Variants in COL4A6 observed in about 807,000 individuals in gnomAD.
COL4A6 encodes collagen alpha-6(IV) chain.
Under a neutral mutation model 126.7 loss-of-function variants are expected in COL4A6, and 59 were observed. The ratio of observed to expected loss-of-function variants is 0.47; its 90% CI spans 0.38 to 0.58. The LOEUF is 0.58. COL4A6 is among the 20% of genes least tolerant of loss of function. The probability of loss-of-function intolerance (pLI) is 0.00; values close to 1 mark genes in which losing one functional copy is unlikely to be tolerated. For missense variants in COL4A6, 1,285 were observed against 1,337.3 expected (o/e 0.96, Z 0.61); for synonymous variants, 547 against 496.6 (o/e 1.10, Z -1.35).
intron 3 of COL4A6, among the ~76,000 whole-genome samples, chrX:108,251,151 T>A (rs960919555): frequency 5.4e-5 from 6 of 111,147 alleles, no homozygotes; most frequent in African/African-American, 2.0e-4. Flanking sequence ...GAAACTTGAG[T>A]CTGAACTTTG....
At chrX:108,333,175 C>G (rs1022920932) in intron 2 of COL4A6, among the ~76,000 whole-genome samples, 3 of 110,985 alleles carry the variant, frequency 2.7e-5, no homozygotes, top group African/African-American at 9.8e-5. Context: ...CTATTCTATT[C>G]CACTAATCTA....
chrX:108,412,803 C>T (rs1307828242), intron 2 of COL4A6, among the ~76,000 whole-genome samples: 1 of 112,053 alleles, frequency 8.9e-6, no homozygotes, highest in African/African-American at 3.2e-5. Flanking sequence ...TTCCCTGACC[C>T]AGGTGAAAAC....
rs182294578 is a variant in COL4A6, at chrX:108,328,876, C to T, written c.64-18048G>A. Among the ~76,000 whole-genome samples, 233 of 111,902 alleles carry T rather than the reference C, an allele frequency of 2.1e-3. 1 individual carries two copies. Among genetic ancestry groups the T allele is most frequent in the South Asian group, 0.013 (34 of 2,643 alleles). ...TGGTACATATGTACATGGAGAAATG[C>T]TACTCAGCCATAAAAAGAACAAAAT... On this transcript the variant is annotated intron_variant, in intron 2 of 44. Transcript: ENST00000334504.
intron 3 of COL4A6, among the ~76,000 whole-genome samples, chrX:108,289,640 T>C (rs1307913206): frequency 8.9e-6 from 1 of 111,745 alleles, no homozygotes; most frequent in Non-Finnish European, 1.9e-5. Flanking sequence ...AGACATAGAC[T>C]TGCAGGCAGC....
chrX:108,220,701 G>A (rs1417099300), intron 4 of COL4A6, among the ~76,000 whole-genome samples: 1 of 112,572 alleles, frequency 8.9e-6, no homozygotes, highest in Admixed American at 9.4e-5. Context: ...TTACCACAGT[G>A]AGCCCACTTG....
At chrX:108,395,708 G>A (rs73529128) in intron 2 of COL4A6, among the ~76,000 whole-genome samples, 6,946 of 111,448 alleles carry the variant, frequency 0.062, 511 homozygotes, top group African/African-American at 0.2. Context: ...TACTATGATT[G>A]TCCCTGTGGA....
chrX:108,198,934 C>A (rs2035305487), intron 13 of COL4A6, among the ~76,000 whole-genome samples: 1 of 111,260 alleles, frequency 9.0e-6, no homozygotes, highest in Non-Finnish European at 1.9e-5. Context: ...GTTTGCTAGT[C>A]CCTTGAACAG....
intron 2 of COL4A6, among the ~76,000 whole-genome samples, chrX:108,326,934 A>T (rs1179607541): frequency 8.9e-6 from 1 of 112,261 alleles, no homozygotes; most frequent in Non-Finnish European, 1.9e-5. Context: ...AAAGAAAAAA[A>T]TGAAGAAATT....
chrX:108,343,202 GTGTA>G, intron 2 of COL4A6, among the ~76,000 whole-genome samples: 2 of 97,918 alleles, frequency 2.0e-5, no homozygotes, highest in Non-Finnish European at 4.1e-5. Flanking sequence ...GTGTGTGTGT[GTGTA>G]TGTACAAAGG....
At chrX:108,381,348 A>T (rs933511369) in intron 2 of COL4A6, among the ~76,000 whole-genome samples, 2 of 112,224 alleles carry the variant, frequency 1.8e-5, no homozygotes, top group African/African-American at 3.2e-5. Flanking sequence ...ATGGGAAAGC[A>T]GACCCAGTAT....
chrX:108,248,221 A>AGTATACAGTATATGAATATACT (rs1286266463), intron 3 of COL4A6, among the ~76,000 whole-genome samples: 3 of 111,826 alleles, frequency 2.7e-5, no homozygotes, highest in Non-Finnish European at 5.7e-5. Flanking sequence ...TATTAGTATA[A>AGTATACAGTATATGAATATACT]GTATACAGTA....
chrX:108,362,080 TGAGAGAGAGAAAGA>T (rs1252159000), intron 2 of COL4A6, among the ~76,000 whole-genome samples: 1 of 105,954 alleles, frequency 9.4e-6, no homozygotes, highest in Non-Finnish European at 1.9e-5. Context: ...TGTGTGTGTG[TGAGAGAGAGAAAGA>T]GAGAGAGAGA....
intron 3 of COL4A6, among the ~76,000 whole-genome samples, chrX:108,246,355 AT>A (rs2036717287): frequency 8.9e-6 from 1 of 112,037 alleles, no homozygotes; most frequent in Admixed American, 9.4e-5. Flanking sequence ...CCAAAAATGG[AT>A]TTACTGGAAA....
chrX:108,349,623 C>A (rs2039794534), intron 2 of COL4A6, among the ~76,000 whole-genome samples: 1 of 111,505 alleles, frequency 9.0e-6, no homozygotes, highest in South Asian at 3.8e-4. Context: ...GTAGCAGGCA[C>A]CAATAAATGC....
chrX:108,193,670 C>G lies in COL4A6; in HGVS notation c.1030G>C (p.Gly344Arg). 8.3e-7 allele frequency: 1 copy of G among 1,209,593 alleles called. No homozygotes were observed. The highest frequency in any genetic ancestry group is 1.1e-6 in the Non-Finnish European group (1 of 893,649). ...EGQKGDIGLP[G>R]PDVFIDIDGA... Reference sequence around the variant, plus strand: ...TCTATATCGATGAAAACATCTGGGCCTGGCAGGCCAATGTCACCCTTTTGA... The same window carrying G: ...TCTATATCGATGAAAACATCTGGGCGTGGCAGGCCAATGTCACCCTTTTGA... The change falls in exon 17 of 45, where the codon GGC becomes CGC. Residue 344 changes from glycine to arginine, a missense_variant. Transcript: ENST00000334504.
chrX:108,360,235 A>G (rs1056861796), intron 2 of COL4A6, among the ~76,000 whole-genome samples: 2 of 112,182 alleles, frequency 1.8e-5, no homozygotes, highest in African/African-American at 6.5e-5. Context: ...CTCCTCAAAC[A>G]TGAAGTTATC....
chrX:108,390,016 G>A lies in COL4A6; in HGVS notation c.63+47926C>T, dbSNP rs775066587. Among the ~76,000 whole-genome samples, 4 of 111,597 alleles carry A rather than the reference G, an allele frequency of 3.6e-5. No individual in the cohort carries two copies. The East Asian group carries it at 1.1e-3, about 31-fold the overall frequency. ...TTAGTTTGGCTGCATATGAAATTCT[G>A]GGTTGAAAATTCTTTTCTTTAAGAA... On this transcript the variant is annotated intron_variant, in intron 2 of 44. Coordinates refer to ENST00000334504, the MANE Select transcript of COL4A6 (RefSeq NM_033641.4).
At chrX:108,392,884 C>T (rs2040868467) in intron 2 of COL4A6, among the ~76,000 whole-genome samples, 1 of 111,696 alleles carries the variant, frequency 9.0e-6, no homozygotes, top group Non-Finnish European at 1.9e-5. Flanking sequence ...GCCTATAGAA[C>T]TGTGTAAAAT....
At chrX:108,346,056 C>A (rs1379421392) in intron 2 of COL4A6, among the ~76,000 whole-genome samples, 1 of 111,184 alleles carries the variant, frequency 9.0e-6, no homozygotes, top group Non-Finnish European at 1.9e-5. Context: ...CACCCCCGCA[C>A]CCCCCACACA....
Sources: allele counts gnomAD v4.1 joint callset (sites outside exome capture counted in the v4.1 genomes callset), GRCh38; gene constraint gnomAD v4.1.1; transcripts MANE v1.5; gene names NCBI Gene and HGNC (gene_info 2026-07-23, HGNC 2026-07-21).